Variants in STMN1 observed in about 807,000 individuals in gnomAD.
The protein encoded by STMN1 is stathmin 1, also known as stathmin.
A neutral mutation model predicts 19.7 loss-of-function variants in STMN1; 3 were observed. The observed-to-expected ratio is 0.15, with a 90% confidence interval of 0.07 to 0.39. The LOEUF (loss-of-function observed/expected upper bound fraction) is 0.39, where lower values mean the gene tolerates loss of function less well. STMN1 is among the 10% of genes least tolerant of loss of function. STMN1 has a pLI of 1.00. For synonymous variants in STMN1, 59 were observed against 58.9 expected (o/e 1.00, Z -0.01); for missense variants, 99 against 176.0 (o/e 0.56, Z 2.48).
downstream of STMN1, among the ~76,000 whole-genome samples, chr1:25,898,290 T>C (rs1253830274): frequency 6.6e-6 from 1 of 152,136 alleles, no homozygotes; most frequent in African/African-American, 2.4e-5. Context: ...GCTTGGAAGG[T>C]TCATCTGACT....
At chr1:25,889,122 G>A (rs994993487) in intron 4 of STMN1, 1 of 455,876 alleles carries the variant, frequency 2.2e-6, no homozygotes, top group Non-Finnish European at 4.3e-6. Flanking sequence ...AATTCCACAT[G>A]AGATGGCACA....
In STMN1 at chr1:25,904,596, A is replaced by G. The variant is rs769648886; in HGVS notation, c.13+68T>C. ...CATAAGTGCCAAATCAAAGGCGAAGACCTGAGCCATCTCAATCTAAAATCA... is the reference window on the plus strand; with the variant it reads ...CATAAGTGCCAAATCAAAGGCGAAGGCCTGAGCCATCTCAATCTAAAATCA... On this transcript the variant is annotated intron_variant, in intron 2 of 4. Transcript: ENST00000455785. 2.8e-6 allele frequency: 4 copies of G among 1,441,344 alleles called. No individual in the cohort carries two copies. In the East Asian group the frequency reaches 6.8e-5, roughly 25 times the overall value. 89.3% of individuals were successfully genotyped at this position (1,441,344 alleles called of 1,614,324 possible).
intron 4 of STMN1, chr1:25,889,193 T>A (rs2048751098): frequency 3.3e-6 from 1 of 302,198 alleles, no homozygotes; most frequent in Admixed American, 3.7e-5. Context: ...AATGTCACCG[T>A]TATCTGCAGT....
At chr1:25,888,478 T>C (rs1306251421) in intron 4 of STMN1, among the ~76,000 whole-genome samples, 1 of 152,196 alleles carries the variant, frequency 6.6e-6, no homozygotes, top group East Asian at 1.9e-4. Context: ...CCTCAATAAA[T>C]ATTTCTTGAA....
chr1:25,905,779 A>C (rs1483167764), intron 1 of STMN1: 1 of 151,818 alleles, frequency 6.6e-6, no homozygotes, highest in Non-Finnish European at 1.5e-5. Flanking sequence ...CGGGTGGGGC[A>C]GGCCCCGGGA....
intron 4 of STMN1, among the ~76,000 whole-genome samples, chr1:25,886,579 CTTTTTT>C (rs34974254): frequency 2.1e-5 from 2 of 94,392 alleles, no homozygotes; most frequent in Non-Finnish European, 4.0e-5. Flanking sequence ...ACCCCCACCA[CTTTTTT>C]TTTTTTTTTT....
At chr1:25,887,157 T>TA (rs1318778330) in intron 4 of STMN1, among the ~76,000 whole-genome samples, 1 of 152,138 alleles carries the variant, frequency 6.6e-6, no homozygotes, top group African/African-American at 2.4e-5. Flanking sequence ...GAAAGCTTCT[T>TA]AAAAAGTGGG....
At chr1:25,887,850 C>T (rs904257323) in intron 4 of STMN1, among the ~76,000 whole-genome samples, 2 of 152,140 alleles carry the variant, frequency 1.3e-5, no homozygotes, top group African/African-American at 4.8e-5. Flanking sequence ...TCATGCCTGG[C>T]TAATTTTTGT....
downstream of STMN1, among the ~76,000 whole-genome samples, chr1:25,895,596 G>T (rs1382243670): frequency 1.3e-5 from 2 of 152,214 alleles, no homozygotes; most frequent in Non-Finnish European, 1.5e-5. Context: ...GGCAGCAACT[G>T]CCCAGAGTCC....
downstream of STMN1, among the ~76,000 whole-genome samples, chr1:25,896,512 C>T (rs2048819536): frequency 1.3e-5 from 2 of 152,112 alleles, no homozygotes; most frequent in African/African-American, 4.8e-5. Context: ...TTTTTTCTTC[C>T]TATGGATCCA....
At chr1:25,905,915 G>A (rs866108027) in intron 1 of STMN1, 1 of 152,240 alleles carries the variant, frequency 6.6e-6, no homozygotes, top group African/African-American at 2.4e-5. Context: ...GTGGGGCCCG[G>A]GAGCGCCGCC....
intron 4 of STMN1, among the ~76,000 whole-genome samples, chr1:25,886,609 G>T (rs1313188306): frequency 6.7e-6 from 1 of 148,304 alleles, no homozygotes. Context: ...TTTGGTGGGG[G>T]ATGGAGTCTC....
exon 5 of STMN1, chr1:25,885,815 G>T (rs1557475137): frequency 1.3e-6 from 2 of 1,551,768 alleles, no homozygotes; most frequent in Non-Finnish European, 8.7e-7. Context: ...AGACAAGATT[G>T]CTCAGCAGAG....
At chr1:25,901,360 A>ATTTAATATGTT in intron 4 of STMN1, 131 bp downstream of exon 4, 1 of 1,244,512 alleles carries the variant, frequency 8.0e-7, no homozygotes, top group Non-Finnish European at 1.1e-6. Flanking sequence ...TATACCTTTC[A>ATTTAATATGTT]TTTAATATGT....
downstream of STMN1, among the ~76,000 whole-genome samples, chr1:25,896,873 C>A (rs1206283154): frequency 6.6e-6 from 1 of 152,176 alleles, no homozygotes. Context: ...TGTCTGGGTC[C>A]TTGGAGTTCA....
chr1:25,903,913 A>T, intron 2 of STMN1, 100 bp from the exon 3 acceptor site: 1 of 1,256,308 alleles, frequency 8.0e-7, no homozygotes, highest in Non-Finnish European at 1.1e-6. Context: ...AATGTATTAA[A>T]CTAGGGCTGA....
chr1:25,897,043 G>A (rs1350303982), downstream of STMN1, among the ~76,000 whole-genome samples: 4 of 152,204 alleles, frequency 2.6e-5, no homozygotes, highest in African/African-American at 9.6e-5. Flanking sequence ...TGCCAGGCGC[G>A]GTGGCTCATG....
Position 25,889,479 on chromosome 1 carries a change from C to T in STMN1, c.379-3610G>A, listed in dbSNP as rs543055633. On this transcript the variant is annotated intron_variant, in intron 4 of 4. Transcript: ENST00000426559. ...TCCAGGCTTGTTTGAGTAGATGGCACCCCCCTTCACTCAGCTCCCCAAGGG... is the reference window on the plus strand; with the variant it reads ...TCCAGGCTTGTTTGAGTAGATGGCATCCCCCTTCACTCAGCTCCCCAAGGG... Among the ~76,000 whole-genome samples the T allele has an allele frequency of 4.6e-4, 69 of 150,528 alleles. 1 individual carries two copies. Among genetic ancestry groups the T allele is most frequent in the African/African-American group, 1.5e-3 (62 of 40,944 alleles).
chr1:25,900,337 C>A lies in STMN1; in HGVS notation c.*679G>T. On this transcript the variant is annotated 3_prime_UTR_variant, in exon 5 of 5. Transcript: ENST00000455785. ...CAAAAAATGGTTGTTTGCAAATAAA[C>A]ATCTGAAAGAAAGTAACAGCTGACC... 3 of 985,850 alleles carry A rather than the reference C, an allele frequency of 3.0e-6. No homozygotes were observed. The highest frequency in any genetic ancestry group is 2.4e-6 in the Non-Finnish European group (2 of 829,942). The allele number at this position is 985,850 out of a possible 1,614,324, so 61.1% of individuals were successfully genotyped here.
Sources: allele counts gnomAD v4.1 joint callset (sites outside exome capture counted in the v4.1 genomes callset), GRCh38; gene constraint gnomAD v4.1.1; transcripts MANE v1.5; gene names NCBI Gene and HGNC (gene_info 2026-07-23, HGNC 2026-07-21).